Variants in FAM200A observed in about 807,000 individuals in gnomAD.
The protein encoded by FAM200A is protein FAM200A.
In FAM200A, 26 loss-of-function variants were observed where a neutral mutation model predicts 44.2. The observed-to-expected ratio is 0.59, with a 90% CI of 0.43 to 0.82. FAM200A has a LOEUF of 0.82. FAM200A is among the 40% of genes least tolerant of loss of function. FAM200A has a pLI of 0.00. For synonymous variants in FAM200A, 206 were observed against 244.4 expected, an observed-to-expected ratio of 0.84 and a Z score of 1.47; for missense variants, 606 against 669.5, an observed-to-expected ratio of 0.91 and a Z score of 1.05.
intron 1 of FAM200A, among the ~76,000 whole-genome samples, chr7:99,551,357 G>A (rs1254169892): frequency 6.6e-6 from 1 of 151,890 alleles, no homozygotes; most frequent in Non-Finnish European, 1.5e-5. Context: ...GTGCCGCCAC[G>A]TCTAATTTTC....
chr7:99,555,743 T>A (rs1439713169), upstream of FAM200A, among the ~76,000 whole-genome samples: 1 of 151,864 alleles, frequency 6.6e-6, no homozygotes, highest in African/African-American at 2.4e-5. Flanking sequence ...ACCCCTCCAC[T>A]ACTAAAATAC....
intron 1 of FAM200A, among the ~76,000 whole-genome samples, chr7:99,557,715 G>C (rs1802741158): frequency 6.6e-6 from 1 of 152,124 alleles, no homozygotes. Flanking sequence ...CCAAGAAGCT[G>C]ATACATTTTG....
upstream of FAM200A, among the ~76,000 whole-genome samples, chr7:99,556,810 C>T (rs1802693550): frequency 1.3e-5 from 2 of 152,096 alleles, no homozygotes; most frequent in Non-Finnish European, 2.9e-5. Context: ...CCAAGACGGG[C>T]GGATCACCCG....
chr7:99,548,134 T>G lies in FAM200A; in HGVS notation c.274A>C (p.Met92Leu). ...EKIILPACMDMVRTIFDDKSA... is the reference protein window; with the variant it reads ...EKIILPACMDLVRTIFDDKSA... ...TTGTCATCAAAAATTGTCCGTACCA[T>G]GTCCATACATGCTGGAAGGATAATT... is the stretch of plus-strand genomic sequence containing the variant. The change falls in exon 2 of 2, where the codon ATG (methionine) becomes CTG (leucine). Residue 92 changes from methionine to leucine, a missense_variant. Physicochemically the swap from Met to Leu is conservative, Grantham distance 15. Coordinates refer to ENST00000449309, the MANE Select transcript of FAM200A (RefSeq NM_145111.4). 6.4e-7 allele frequency: 1 copy of G among 1,551,818 alleles called. No individual in the cohort carries two copies. Among genetic ancestry groups the G allele is most frequent in the Non-Finnish European group, 8.7e-7 (1 of 1,147,016 alleles).
In FAM200A at chr7:99,548,428, G is replaced by A. The variant is rs1425855060; in HGVS notation, c.-21C>T. 1 of 1,603,996 alleles carries A rather than the reference G, an allele frequency of 6.2e-7. No homozygotes were observed. Among genetic ancestry groups the A allele is most frequent in the African/African-American group, 1.3e-5 (1 of 74,512 alleles). On this transcript the variant is annotated 5_prime_UTR_variant, in exon 2 of 2. Transcript: ENST00000449309. ...GTCATTATTCAGGTTCCAGGAACTG[G>A]CTCACTTGATCCAAATAGGGTCTGT...
At chr7:99,554,504 A>G (rs546432482), upstream of FAM200A, among the ~76,000 whole-genome samples, 1 of 151,820 alleles carries the variant, frequency 6.6e-6, no homozygotes, top group African/African-American at 2.4e-5. Context: ...AAAAAAAGAA[A>G]AATAAGAGGT....
chr7:99,553,660 G>A (rs1369782093), upstream of FAM200A, among the ~76,000 whole-genome samples: 1 of 152,172 alleles, frequency 6.6e-6, no homozygotes, highest in Non-Finnish European at 1.5e-5. Context: ...TAGTAATAGA[G>A]GCTACTCCTG....
chr7:99,549,613 G>A (rs775134272), intron 1 of FAM200A, among the ~76,000 whole-genome samples: 1 of 151,974 alleles, frequency 6.6e-6, no homozygotes, highest in African/African-American at 2.4e-5. Flanking sequence ...TGTTTATTGC[G>A]GCACTATTCA....
upstream of FAM200A, among the ~76,000 whole-genome samples, chr7:99,555,433 CA>C (rs1015789847): frequency 6.6e-6 from 1 of 152,178 alleles, no homozygotes; most frequent in Non-Finnish European, 1.5e-5. Flanking sequence ...TTGTTTAAGC[CA>C]CCCAGTTTGT....
At chr7:99,556,991 G>C (rs778281901), upstream of FAM200A, among the ~76,000 whole-genome samples, 2 of 152,150 alleles carry the variant, frequency 1.3e-5, no homozygotes, top group Non-Finnish European at 2.9e-5. Context: ...AGCTGAGATC[G>C]CGCCACTGCA....
chr7:99,549,182 A>ATTTTTTTTTTTTTTTTTTTTTTTTTT lies in FAM200A; in HGVS notation c.-99-677_-99-676insAAAAAAAAAAAAAAAAAAAAAAAAAA, dbSNP rs1443044531. Among the ~76,000 whole-genome samples, 3 of 138,090 alleles carry ATTTTTTTTTTTTTTTTTTTTTTTTTT rather than the reference A, an allele frequency of 2.2e-5. 1 individual carries two copies. Among genetic ancestry groups the ATTTTTTTTTTTTTTTTTTTTTTTTTT allele is most frequent in the Non-Finnish European group, 4.5e-5 (3 of 66,172 alleles). The allele number at this position is 138,090 out of a possible 152,430, so 90.6% of individuals were successfully genotyped here. ...AAATGAGAACTTGTATTTCTTAAAA[A>ATTTTTTTTTTTTTTTTTTTTTTTTTT]TAAGAAATTAAGCTGCATAATTATT... On this transcript the variant is annotated intron_variant, in intron 1 of 1. Transcript: ENST00000449309.
chr7:99,551,334 G>C (rs1036363001), intron 1 of FAM200A, among the ~76,000 whole-genome samples: 1 of 151,920 alleles, frequency 6.6e-6, no homozygotes, highest in Non-Finnish European at 1.5e-5. Flanking sequence ...CAAGCAGCTG[G>C]GATTACAGGC....
At position 99,546,500 on chromosome 7, in the gene FAM200A, C is replaced by A; in HGVS notation, c.*186G>T. On this transcript the variant is annotated 3_prime_UTR_variant, in exon 2 of 2. Transcript: ENST00000449309. Reference sequence around the variant, plus strand: ...TCTCCTGCCTCAGGCACCCAAGTAACTGGGACTGCAGGCATGTGCCACCAC... The same window carrying A: ...TCTCCTGCCTCAGGCACCCAAGTAAATGGGACTGCAGGCATGTGCCACCAC... 1 of 481,864 alleles carries A rather than the reference C, an allele frequency of 2.1e-6. No individual in the cohort carries two copies. The highest frequency in any genetic ancestry group is 3.4e-6 in the Non-Finnish European group (1 of 294,986). The allele number at this position is 481,864 out of a possible 1,614,324, so 29.8% of individuals were successfully genotyped here.
chr7:99,551,225 T>G (rs1802520945), intron 1 of FAM200A, among the ~76,000 whole-genome samples: 1 of 151,490 alleles, frequency 6.6e-6, no homozygotes, highest in Non-Finnish European at 1.5e-5. Context: ...AGAGTCTCAC[T>G]CTCTCTCTCT....
At position 99,551,845 on chromosome 7, in the gene FAM200A, C is replaced by G; in HGVS notation, c.-100+9G>C. 3.0e-6 allele frequency: 3 copies of G among 985,512 alleles called. No individual in the cohort carries two copies. The highest frequency in any genetic ancestry group is 3.6e-6 in the Non-Finnish European group (3 of 829,982). 61.0% of individuals were successfully genotyped at this position (985,512 alleles called of 1,614,324 possible). On this transcript the variant is annotated intron_variant, in intron 1 of 1. Transcript: ENST00000449309. ...CAATCCGGAAACCAAAACTTCGTTC[C>G]CTTCCCACCTGTATCCAGGGACACC...
Position 99,548,142 on chromosome 7 carries a change from C to G in FAM200A, c.266G>C (p.Cys89Ser), listed in dbSNP as rs1479217753. The G allele has an allele frequency of 6.4e-7, 1 of 1,551,866 alleles. No individual in the cohort carries two copies. Among genetic ancestry groups the G allele is most frequent in the East Asian group, 2.4e-5 (1 of 40,936 alleles). Residue 89 changes from cysteine (C) to serine (S), a missense_variant, in exon 2 of 2, where the codon TGT (cysteine) becomes TCT (serine). Physicochemically the swap from Cys to Ser is moderately radical, Grantham distance 112. Coordinates refer to ENST00000449309, the MANE Select transcript of FAM200A (RefSeq NM_145111.4). Reference protein sequence around the residue: ...TAAEKIILPACMDMVRTIFDD... With the variant: ...TAAEKIILPASMDMVRTIFDD... ...AAAAATTGTCCGTACCATGTCCATA[C>G]ATGCTGGAAGGATAATTTTTTCAGC...
chr7:99,551,736 C>T, intron 1 of FAM200A, 118 bp downstream of exon 1: 3 of 825,620 alleles, frequency 3.6e-6, no homozygotes, highest in Non-Finnish European at 1.5e-6. Flanking sequence ...GTCATTTTGT[C>T]CGCGCGTCTT....
At chr7:99,551,752 TA>T in intron 1 of FAM200A, 101 bp downstream of exon 1, 2 of 922,028 alleles carry the variant, frequency 2.2e-6, no homozygotes, top group African/African-American at 3.6e-5. Context: ...GTCTTTGGGG[TA>T]AAACACCAGG....
chr7:99,553,093 ATATATATTTTTTTT>A (rs1346099199), upstream of FAM200A, among the ~76,000 whole-genome samples: 55 of 90,492 alleles, frequency 6.1e-4, no homozygotes, highest in African/African-American at 2.2e-3. Context: ...ATATATATAT[ATATATATTTTTTTT>A]TTTTTTTTTT....
Sources: gnomAD v4.1 joint callset for allele counts (sites outside exome capture counted in the v4.1 genomes callset) on GRCh38, gnomAD v4.1.1 for gene constraint, MANE v1.5 for transcripts, NCBI Gene and HGNC (gene_info 2026-07-23, HGNC 2026-07-21) for gene names.